Variants in DGKI observed in about 807,000 individuals in gnomAD.
DGKI encodes the protein diacylglycerol kinase iota, also known as DAG kinase iota.
A neutral mutation model predicts 147.5 loss-of-function variants in DGKI; 55 were observed. The ratio of observed to expected loss-of-function variants is 0.37; its 90% CI spans 0.30 to 0.47. DGKI has a LOEUF of 0.47. DGKI is among the 20% of genes least tolerant of loss of function. The pLI is 1.00. For missense variants in DGKI, 1,007 were observed against 1,323.8 expected (o/e 0.76, Z 3.71); for synonymous variants, 469 against 477.1 (o/e 0.98, Z 0.22).
intron 1 of DGKI, among the ~76,000 whole-genome samples, chr7:137,831,832 A>T (rs930475567): frequency 1.3e-5 from 2 of 152,248 alleles, no homozygotes; most frequent in African/African-American, 4.8e-5. Context: ...ATGAGCCTGT[A>T]AAATCCAAAG....
At chr7:137,533,220 T>G (rs951421088) in intron 20 of DGKI, among the ~76,000 whole-genome samples, 2 of 151,984 alleles carry the variant, frequency 1.3e-5, no homozygotes, top group Non-Finnish European at 2.9e-5. Context: ...ACTCAGGAGT[T>G]CAAGATTGCA....
At chr7:137,623,664 AC>A (rs1401717557) in intron 6 of DGKI, 110 bp from the exon 7 acceptor site, 1 of 867,594 alleles carries the variant, frequency 1.2e-6, no homozygotes, top group Non-Finnish European at 1.9e-6. Flanking sequence ...CAGGACTGTC[AC>A]CCACCACTGG....
Position 137,569,082 on chromosome 7 carries a change from C to T in DGKI, c.1947+2093G>A, listed in dbSNP as rs116147101. Among the ~76,000 whole-genome samples the T allele has an allele frequency of 6.3e-3, 957 of 152,206 alleles. 12 individuals carry two copies. The highest frequency in any genetic ancestry group is 0.022 in the African/African-American group (902 of 41,534). ...CAAAAGAAGCAAGGGAGAGCCGATG[C>T]TGTGCTTCACTTGTCAGCTGCTTGA... On this transcript the variant is annotated intron_variant, in intron 19 of 32. Coordinates refer to ENST00000614521, the MANE Select transcript of DGKI (RefSeq NM_001321708.2).
chr7:137,761,770 A>G (rs969281063), intron 1 of DGKI, among the ~76,000 whole-genome samples: 3 of 152,216 alleles, frequency 2.0e-5, no homozygotes, highest in Non-Finnish European at 4.4e-5. Context: ...TGGTGGGCCC[A>G]CAAATCTCTA....
At chr7:137,570,139 C>G (rs1183494138) in intron 19 of DGKI, among the ~76,000 whole-genome samples, 19 of 152,052 alleles carry the variant, frequency 1.2e-4, no homozygotes, top group Admixed American at 7.9e-4. Flanking sequence ...GCATAAGGTA[C>G]AGCACAAATC....
intron 1 of DGKI, among the ~76,000 whole-genome samples, chr7:137,727,284 A>G (rs1794744117): frequency 6.6e-6 from 1 of 152,180 alleles, no homozygotes; most frequent in Non-Finnish European, 1.5e-5. Flanking sequence ...CAGATGTTCA[A>G]TAAGTAAATA....
At chr7:137,627,269 G>A (rs1820975508) in intron 6 of DGKI, among the ~76,000 whole-genome samples, 1 of 151,972 alleles carries the variant, frequency 6.6e-6, no homozygotes, top group African/African-American at 2.4e-5. Flanking sequence ...ACCTACCCTT[G>A]CCATTATAAA....
chr7:137,757,455 C>G (rs536668677), intron 1 of DGKI, among the ~76,000 whole-genome samples: 1 of 152,216 alleles, frequency 6.6e-6, no homozygotes, highest in Admixed American at 6.5e-5. Context: ...TGTGTTCAGC[C>G]CCTCTTCCTC....
intron 23 of DGKI, among the ~76,000 whole-genome samples, chr7:137,484,741 A>G (rs1815494469): frequency 6.6e-6 from 1 of 152,056 alleles, no homozygotes; most frequent in South Asian, 2.1e-4. Context: ...GTGTTCTCCT[A>G]CAGACTTTAT....
chr7:137,794,737 G>A (rs1221919047), intron 1 of DGKI, among the ~76,000 whole-genome samples: 1 of 152,146 alleles, frequency 6.6e-6, no homozygotes, highest in Non-Finnish European at 1.5e-5. Flanking sequence ...GCTTTATCAG[G>A]TTTCTAAGTT....
At chr7:137,408,620 T>C (rs1051314645) in intron 29 of DGKI, among the ~76,000 whole-genome samples, 1 of 151,920 alleles carries the variant, frequency 6.6e-6, no homozygotes, top group Non-Finnish European at 1.5e-5. Flanking sequence ...CTGTTAATCA[T>C]CCAACACATA....
intron 20 of DGKI, among the ~76,000 whole-genome samples, chr7:137,534,655 A>C (rs1056942831): frequency 6.6e-6 from 1 of 151,994 alleles, no homozygotes; most frequent in Admixed American, 6.6e-5. Flanking sequence ...ACCCTTTAAT[A>C]AAAAAATATT....
At chr7:137,530,267 T>C (rs1817293599) in intron 20 of DGKI, among the ~76,000 whole-genome samples, 1 of 152,196 alleles carries the variant, frequency 6.6e-6, no homozygotes, top group Non-Finnish European at 1.5e-5. Context: ...CTCTTTACTT[T>C]TGGAATTCAG....
In DGKI at chr7:137,846,594, C is replaced by T. The variant is rs760938753; in HGVS notation, c.269G>A (p.Arg90Gln). Reference protein sequence around the residue: ...CLGAEGGADPRGAGSAAAAGA... With the variant: ...CLGAEGGADPQGAGSAAAAGA... Reference sequence around the variant, plus strand: ...CGCCGCCGCGGCTGACCCTGCGCCCCGCGGGTCCGCGCCGCCCTCGGCGCC... The same window carrying T: ...CGCCGCCGCGGCTGACCCTGCGCCCTGCGGGTCCGCGCCGCCCTCGGCGCC... The change falls in exon 1 of 33, where the codon CGG becomes CAG. Residue 90 changes from arginine to glutamine, a missense_variant. Coordinates refer to ENST00000614521, the MANE Select transcript of DGKI (RefSeq NM_001321708.2). This position sits in a 1 kb window ranked among gnomAD's most constrained non-coding sequence, Gnocchi z 4.0. 8.8e-6 allele frequency: 10 copies of T among 1,135,282 alleles called. No individual in the cohort carries two copies. The South Asian group carries it at 4.0e-4, about 45-fold the overall frequency. 70.3% of individuals were successfully genotyped at this position (1,135,282 alleles called of 1,614,324 possible). A position where few individuals can be genotyped will look rare whatever the true frequency, so the allele number is the denominator to read the frequency against.
rs150021921 is a variant in DGKI at position 137,731,204 on chromosome 7, G to A, written c.402-41202C>T. On this transcript the variant is annotated intron_variant, in intron 1 of 32. Transcript: ENST00000614521. ...AATTTCCAGACCTTTCCTAAGCATCGTACATGAAACATTTACCCTCTTCCA... is the reference window on the plus strand; with the variant it reads ...AATTTCCAGACCTTTCCTAAGCATCATACATGAAACATTTACCCTCTTCCA... 3.3e-4 allele frequency among the ~76,000 whole-genome samples: 50 copies of A among 152,000 alleles called. 1 individual carries two copies. Among genetic ancestry groups the A allele is most frequent in the African/African-American group, 9.9e-4 (41 of 41,454 alleles).
intron 1 of DGKI, among the ~76,000 whole-genome samples, chr7:137,755,832 T>C (rs11982601): frequency 0.053 from 8,089 of 152,146 alleles, 303 homozygotes; most frequent in Non-Finnish European, 0.08. Context: ...AGAAACTGAC[T>C]ATATAAACTC....
At chr7:137,434,839 G>A (rs1174944359) in intron 28 of DGKI, among the ~76,000 whole-genome samples, 2 of 152,096 alleles carry the variant, frequency 1.3e-5, no homozygotes, top group African/African-American at 2.4e-5. Flanking sequence ...GTTTTGTTTT[G>A]TTCTGTTTTT....
intron 23 of DGKI, among the ~76,000 whole-genome samples, chr7:137,474,111 C>T (rs1240244281): frequency 1.3e-5 from 2 of 151,766 alleles, no homozygotes; most frequent in Non-Finnish European, 2.9e-5. Flanking sequence ...CATAATAGGT[C>T]CTACGTTAAA....
At chr7:137,603,520 A>G (rs1820068134) in intron 10 of DGKI, among the ~76,000 whole-genome samples, 1 of 152,166 alleles carries the variant, frequency 6.6e-6, no homozygotes, top group African/African-American at 2.4e-5. Flanking sequence ...TTAGGCCCCT[A>G]CTCTGTCCAT....
Sources: allele counts gnomAD v4.1 joint callset (sites outside exome capture counted in the v4.1 genomes callset), GRCh38; gene constraint gnomAD v4.1.1; non-coding constraint Gnocchi (gnomAD v3.1); transcripts MANE v1.5; gene names NCBI Gene and HGNC (gene_info 2026-07-23, HGNC 2026-07-21).